The following ASIC2 variants were observed in gnomAD, a reference collection of about 807,000 sequenced individuals.
The protein encoded by ASIC2 is acid sensing ion channel subunit 2.
ASIC2 carries 25 observed loss-of-function variants against 57.3 expected under a neutral mutation model. The observed-to-expected ratio is 0.44, with a 90% CI of 0.32 to 0.61. The LOEUF (loss-of-function observed/expected upper bound fraction) is 0.61. Ranked by LOEUF, ASIC2 falls within the 20% of genes least tolerant of loss-of-function variation. The pLI is 0.06. For missense variants in ASIC2, 641 were observed against 738.1 expected (o/e 0.87, Z 1.52); for synonymous variants, 319 against 307.5 (o/e 1.04, Z -0.39).
chr17:34,029,207 ATCTT>A (rs1907493208), intron 1 of ASIC2, among the ~76,000 whole-genome samples: 1 of 152,074 alleles, frequency 6.6e-6, no homozygotes, highest in Non-Finnish European at 1.5e-5. Flanking sequence ...CTACTTGTCT[ATCTT>A]TCTTGTCTAC....
chr17:33,212,238 T>C (rs1168930508), intron 1 of ASIC2, among the ~76,000 whole-genome samples: 1 of 152,178 alleles, frequency 6.6e-6, no homozygotes, highest in Non-Finnish European at 1.5e-5. Flanking sequence ...GTAAGCTCCT[T>C]GAGATAAGAA....
At chr17:34,011,020 A>ATCC (rs1906708546) in intron 1 of ASIC2, among the ~76,000 whole-genome samples, 14 of 3,250 alleles carry the variant, frequency 4.3e-3, no homozygotes, top group Admixed American at 7.6e-3. Context: ...ACAGATGCCA[A>ATCC]AGTCAGACAC....
chr17:33,399,324 A>G (rs1244219614), intron 1 of ASIC2, among the ~76,000 whole-genome samples: 1 of 152,216 alleles, frequency 6.6e-6, no homozygotes, highest in Non-Finnish European at 1.5e-5. Flanking sequence ...TTAGCCCTTA[A>G]GAAATCAACC....
At chr17:33,386,727 C>G (rs559711248) in intron 1 of ASIC2, among the ~76,000 whole-genome samples, 1 of 152,274 alleles carries the variant, frequency 6.6e-6, no homozygotes, top group African/African-American at 2.4e-5. Context: ...TAATGTGGTC[C>G]ATGGGTCCCT....
chr17:33,291,108 A>C, intron 1 of ASIC2: 1 of 428,078 alleles, frequency 2.3e-6, no homozygotes, highest in East Asian at 3.9e-5. Context: ...GAGGCTGACT[A>C]ATATTCACAG....
chr17:33,829,865 T>C (rs1265681644), intron 1 of ASIC2, among the ~76,000 whole-genome samples: 1 of 152,092 alleles, frequency 6.6e-6, no homozygotes, highest in Non-Finnish European at 1.5e-5. Context: ...GCCCACCCTA[T>C]GTTAAACATT....
chr17:33,245,149 G>A (rs1316346162), intron 1 of ASIC2, among the ~76,000 whole-genome samples: 1 of 152,152 alleles, frequency 6.6e-6, no homozygotes, highest in African/African-American at 2.4e-5. Context: ...CATGGCTCCT[G>A]GGACTGCTCA....
At chr17:34,027,947 T>A (rs1428007569) in intron 1 of ASIC2, among the ~76,000 whole-genome samples, 1 of 152,218 alleles carries the variant, frequency 6.6e-6, no homozygotes, top group African/African-American at 2.4e-5. Context: ...AATAACGATA[T>A]GCATTATTTT....
chr17:33,508,667 T>C (rs1567634491), intron 1 of ASIC2, among the ~76,000 whole-genome samples: 1 of 152,204 alleles, frequency 6.6e-6, no homozygotes, highest in Non-Finnish European at 1.5e-5. Flanking sequence ...AAAAGTGGAA[T>C]GATGTGGCAG....
chr17:33,754,170 T>G (rs1289113019), intron 1 of ASIC2, among the ~76,000 whole-genome samples: 3 of 152,148 alleles, frequency 2.0e-5, no homozygotes, highest in Non-Finnish European at 4.4e-5. Flanking sequence ...AATCTCTCCC[T>G]TGCATGTCCC....
chr17:33,220,259 A>G (rs1362678222), intron 1 of ASIC2, among the ~76,000 whole-genome samples: 1 of 152,212 alleles, frequency 6.6e-6, no homozygotes, highest in African/African-American at 2.4e-5. Flanking sequence ...ATTCTGTGCT[A>G]CATAGAAAAC....
At chr17:33,617,084 A>G (rs1209439016) in intron 1 of ASIC2, among the ~76,000 whole-genome samples, 1 of 152,206 alleles carries the variant, frequency 6.6e-6, no homozygotes, top group South Asian at 2.1e-4. Context: ...AATACATCAT[A>G]TATTCTCTAA....
chr17:34,055,829 T>C (rs1459595877), intron 1 of ASIC2, among the ~76,000 whole-genome samples: 3 of 152,248 alleles, frequency 2.0e-5, no homozygotes, highest in South Asian at 2.1e-4. Context: ...AAACCTGCTA[T>C]GAATGTTGTA....
At chr17:33,494,214 G>A (rs181146785) in intron 1 of ASIC2, among the ~76,000 whole-genome samples, 11 of 152,326 alleles carry the variant, frequency 7.2e-5, no homozygotes, top group East Asian at 1.9e-4. Flanking sequence ...GGCCTTCTGC[G>A]TGCCTGTTGT....
intron 1 of ASIC2, among the ~76,000 whole-genome samples, chr17:33,891,880 A>AC (rs1277243804): frequency 6.6e-6 from 1 of 152,138 alleles, no homozygotes; most frequent in Non-Finnish European, 1.5e-5. Context: ...GCACTTCTCT[A>AC]CACCCACATC....
chr17:33,651,746 C>T (rs973152482), intron 1 of ASIC2, among the ~76,000 whole-genome samples: 2 of 152,196 alleles, frequency 1.3e-5, no homozygotes, highest in African/African-American at 4.8e-5. Flanking sequence ...AACACATGCT[C>T]CAGCTGTAGC....
chr17:33,641,391 G>C (rs11649855), intron 1 of ASIC2, among the ~76,000 whole-genome samples: 7,279 of 152,286 alleles, frequency 0.048, 204 homozygotes, highest in South Asian at 0.12. Context: ...TCCTTCTGCA[G>C]ACATGTACAC....
intron 1 of ASIC2, among the ~76,000 whole-genome samples, chr17:33,849,769 C>A (rs959359959): frequency 6.6e-6 from 1 of 152,166 alleles, no homozygotes. Flanking sequence ...CATGGAAAAA[C>A]CTTTCATGCC....
At chr17:33,460,992 C>T (rs1352448244) in intron 1 of ASIC2, among the ~76,000 whole-genome samples, 1 of 152,220 alleles carries the variant, frequency 6.6e-6, no homozygotes, top group Non-Finnish European at 1.5e-5. Context: ...TTTCTCAATT[C>T]CATCTCCTTT....
Sources: gnomAD v4.1 joint callset for allele counts (sites outside exome capture counted in the v4.1 genomes callset) on GRCh38, gnomAD v4.1.1 for gene constraint, MANE v1.5 for transcripts, NCBI Gene and HGNC (gene_info 2026-07-23, HGNC 2026-07-21) for gene names.